The following PTGR1 variants were observed in gnomAD, a reference collection of about 807,000 sequenced individuals.
The protein encoded by PTGR1 is prostaglandin reductase 1.
A neutral mutation model predicts 37.7 loss-of-function variants in PTGR1; 23 were observed. That is an observed-to-expected ratio of 0.61 (90% confidence interval 0.44 to 0.86). The LOEUF is 0.86. Ranked by LOEUF, PTGR1 falls within the 40% of genes least tolerant of loss-of-function variation. The probability of loss-of-function intolerance (pLI) is 0.00; values close to 1 mark genes in which losing one functional copy is unlikely to be tolerated. For synonymous variants in PTGR1, 134 were observed against 140.0 expected (o/e 0.96, Z 0.30); for missense variants, 351 against 394.3 (o/e 0.89, Z 0.93).
intron 8 of PTGR1, among the ~76,000 whole-genome samples, chr9:111,570,508 C>T (rs1393613239): frequency 1.3e-5 from 2 of 152,030 alleles, no homozygotes; most frequent in African/African-American, 4.8e-5. Flanking sequence ...CGGTGGCTCA[C>T]ACCTGTAATC....
At chr9:111,560,380 A>G (rs1467252016), downstream of PTGR1, among the ~76,000 whole-genome samples, 1 of 151,146 alleles carries the variant, frequency 6.6e-6, no homozygotes, top group Non-Finnish European at 1.5e-5. Flanking sequence ...AGGCTGAGGC[A>G]GGAGAATCGC....
chr9:111,592,668 TG>T, intron 4 of PTGR1: 1 of 400,764 alleles, frequency 2.5e-6, no homozygotes, highest in Non-Finnish European at 4.3e-6. Context: ...AATCATGACC[TG>T]GACAAATACT....
At chr9:111,586,527 G>A (rs538481037) in intron 4 of PTGR1, among the ~76,000 whole-genome samples, 2 of 152,090 alleles carry the variant, frequency 1.3e-5, no homozygotes, top group Non-Finnish European at 2.9e-5. Flanking sequence ...TTCCAGAATC[G>A]TTGAGATTTT....
chr9:111,594,349 G>T, intron 2 of PTGR1, 82 bp from the exon 3 acceptor site: 1 of 1,272,714 alleles, frequency 7.9e-7, no homozygotes, highest in Non-Finnish European at 1.1e-6. Context: ...CTAGACAGGA[G>T]GGGTGAGACA....
At chr9:111,571,886 A>C (rs917734491) in intron 8 of PTGR1, among the ~76,000 whole-genome samples, 1 of 152,180 alleles carries the variant, frequency 6.6e-6, no homozygotes, top group Admixed American at 6.5e-5. Context: ...AGCACCCCAG[A>C]AAAAGCACAC....
At chr9:111,598,197 C>T (rs887908892) in intron 1 of PTGR1, among the ~76,000 whole-genome samples, 17 of 152,176 alleles carry the variant, frequency 1.1e-4, no homozygotes, top group Non-Finnish European at 4.4e-5. Context: ...CGATTTTGAG[C>T]TGAAACGCTG....
Position 111,562,955 on chromosome 9 carries a change from C to A in PTGR1, c.*166G>T. Reference sequence around the variant, plus strand: ...TGTTGTTGACTTTGAAACTTCCATCCTCCATCACTAATTACATACCACTTA... The same window carrying A: ...TGTTGTTGACTTTGAAACTTCCATCATCCATCACTAATTACATACCACTTA... On this transcript the variant is annotated 3_prime_UTR_variant, in exon 10 of 10. Transcript: ENST00000407693. The A allele has an allele frequency of 7.2e-7, 1 of 1,392,838 alleles. No homozygotes were observed. Among genetic ancestry groups the A allele is most frequent in the Non-Finnish European group, 9.3e-7 (1 of 1,076,286 alleles). The allele number at this position is 1,392,838 out of a possible 1,614,324, so 86.3% of individuals were successfully genotyped here.
chr9:111,556,113 C>T (rs1828113910), intron 9 of PTGR1, among the ~76,000 whole-genome samples: 1 of 152,234 alleles, frequency 6.6e-6, no homozygotes, highest in South Asian at 2.1e-4. Flanking sequence ...GAGAGATTGA[C>T]CAAGACAAAG....
chr9:111,562,841 A>G lies in PTGR1; in HGVS notation c.*280T>C, dbSNP rs1055747522. On this transcript the variant is annotated 3_prime_UTR_variant, in exon 10 of 10. Coordinates refer to ENST00000407693, the MANE Select transcript of PTGR1 (RefSeq NM_001146108.2). The stretch of plus-strand genomic sequence containing the variant: ...TCAGCTCCCACTTATGAATGAAAAC[A>G]TACAGTGTTTGGAAAATTTTCACAC... The G allele has an allele frequency of 1.0e-5, 8 of 766,108 alleles. No individual in the cohort carries two copies. Among genetic ancestry groups the G allele is most frequent in the African/African-American group, 3.6e-5 (2 of 56,118 alleles). The allele number at this position is 766,108 out of a possible 1,614,324, so 47.5% of individuals were successfully genotyped here.
At chr9:111,581,049 A>G (rs1253567234) in intron 6 of PTGR1, among the ~76,000 whole-genome samples, 1 of 152,238 alleles carries the variant, frequency 6.6e-6, no homozygotes, top group East Asian at 1.9e-4. Flanking sequence ...TCTCAGTGAA[A>G]TTCAAAAGGA....
rs192047842 is a variant in PTGR1 at position 111,553,801 on chromosome 9, C to T, written c.880-4002G>A. Among the ~76,000 whole-genome samples the T allele has an allele frequency of 1.1e-4, 17 of 152,300 alleles. No individual in the cohort carries two copies. The East Asian group carries it at 3.1e-3, about 28-fold the overall frequency. ...GTGTGGATTTCCATTTCTCACTAGC[C>T]TCAAGTGACTACCATATTAAGTTGC... On this transcript the variant is annotated intron_variant, in intron 9 of 9. Transcript: ENST00000538962.
intron 9 of PTGR1, among the ~76,000 whole-genome samples, chr9:111,553,139 CAT>C (rs1399278046): frequency 1.2e-4 from 19 of 152,304 alleles, no homozygotes; most frequent in African/African-American, 2.6e-4. Flanking sequence ...CTAAAAATTA[CAT>C]GTCTTAAATA....
At position 111,562,596 on chromosome 9, in the gene PTGR1, T is replaced by C. The variant is rs1828364162; in HGVS notation, c.*525A>G. The C allele has an allele frequency of 6.6e-6, 1 of 152,142 alleles. No individual in the cohort carries two copies. Among genetic ancestry groups the C allele is most frequent in the South Asian group, 2.1e-4 (1 of 4,820 alleles). 9.4% of individuals were successfully genotyped at this position (152,142 alleles called of 1,614,324 possible). Reference sequence around the variant, plus strand: ...GCTAACTTTTTTTTTTAATTTAATTTTATTTTATTTTCAGTTCCGGGATAA... The same window carrying C: ...GCTAACTTTTTTTTTTAATTTAATTCTATTTTATTTTCAGTTCCGGGATAA... On this transcript the variant is annotated 3_prime_UTR_variant, in exon 10 of 10. Transcript: ENST00000407693.
intron 4 of PTGR1, among the ~76,000 whole-genome samples, chr9:111,591,638 G>C (rs1829625736): frequency 6.6e-6 from 1 of 151,884 alleles, no homozygotes; most frequent in South Asian, 2.1e-4. Flanking sequence ...CCAAAGTGCT[G>C]GGATCACAGG....
intron 6 of PTGR1, among the ~76,000 whole-genome samples, chr9:111,582,618 T>C (rs1388503714): frequency 6.6e-6 from 1 of 152,240 alleles, no homozygotes; most frequent in African/African-American, 2.4e-5. Context: ...CACTGAAAAG[T>C]GAACCTGATA....
downstream of PTGR1, among the ~76,000 whole-genome samples, chr9:111,559,903 A>G (rs984031820): frequency 2.6e-5 from 4 of 152,126 alleles, no homozygotes; most frequent in African/African-American, 9.7e-5. Context: ...GACAAACCAT[A>G]TTAGAAGTGT....
chr9:111,554,509 A>C (rs1828064392), intron 9 of PTGR1, among the ~76,000 whole-genome samples: 1 of 152,128 alleles, frequency 6.6e-6, no homozygotes, highest in African/African-American at 2.4e-5. Context: ...GATATGCTCC[A>C]AGACCTCGAG....
At chr9:111,596,998 T>A (rs1829801634) in intron 2 of PTGR1, among the ~76,000 whole-genome samples, 1 of 150,074 alleles carries the variant, frequency 6.7e-6, no homozygotes, top group African/African-American at 2.5e-5. Context: ...GCTCTAGATC[T>A]ATGGGGCCAC....
chr9:111,594,073 G>T (rs1327699397), intron 3 of PTGR1, 149 bp downstream of exon 3: 3 of 807,000 alleles, frequency 3.7e-6, no homozygotes, highest in African/African-American at 1.7e-5. Context: ...CAAAAGACGA[G>T]CGTGCATGAA....
Sources: allele counts gnomAD v4.1 joint callset (sites outside exome capture counted in the v4.1 genomes callset), GRCh38; gene constraint gnomAD v4.1.1; transcripts MANE v1.5; gene names NCBI Gene and HGNC (gene_info 2026-07-23, HGNC 2026-07-21).